The following WDR45B variants were observed in gnomAD, a reference collection of about 807,000 sequenced individuals.
WDR45B encodes WD repeat domain phosphoinositide-interacting protein 3.
WDR45B carries 20 observed loss-of-function variants against 44.6 expected under a neutral mutation model. That is an observed-to-expected ratio of 0.45 (90% CI 0.32 to 0.65). The LOEUF (loss-of-function observed/expected upper bound fraction) is 0.65. Ranked by LOEUF, WDR45B falls within the 30% of genes least tolerant of loss-of-function variation. WDR45B has a pLI of 0.05. For synonymous variants in WDR45B, 169 were observed against 164.9 expected (o/e 1.02, Z -0.19); for missense variants, 323 against 430.2 (o/e 0.75, Z 2.20).
intron 3 of WDR45B, among the ~76,000 whole-genome samples, chr17:82,628,135 G>A (rs115359633): frequency 0.021 from 3,203 of 152,260 alleles, 124 homozygotes; most frequent in African/African-American, 0.071. Context: ...TGGGACTACA[G>A]GCATGCACTA....
intron 2 of WDR45B, among the ~76,000 whole-genome samples, chr17:82,641,289 T>C (rs1174111600): frequency 1.3e-5 from 2 of 152,154 alleles, no homozygotes; most frequent in African/African-American, 4.8e-5. Flanking sequence ...TTATAAGAAA[T>C]GTTGAATTTA....
chr17:82,632,128 C>T (rs2045776237), intron 2 of WDR45B, among the ~76,000 whole-genome samples: 1 of 151,996 alleles, frequency 6.6e-6, no homozygotes, highest in South Asian at 2.1e-4. Context: ...AAAAACCCCA[C>T]AAAACTTTAA....
chr17:82,616,875 G>T lies in WDR45B; in HGVS notation c.807-230C>A, dbSNP rs553586177. On this transcript the variant is annotated intron_variant, in intron 8 of 9. Transcript: ENST00000392325. ...CTCTGTAGCCCAGGCTGGAGTGCAGGGGCGCAATCTCGGCTCACTGCAGCC... is the reference window on the plus strand; with the variant it reads ...CTCTGTAGCCCAGGCTGGAGTGCAGTGGCGCAATCTCGGCTCACTGCAGCC... Among the ~76,000 whole-genome samples, 98 of 151,958 alleles carry T rather than the reference G, an allele frequency of 6.4e-4. No individual in the cohort carries two copies. In the South Asian group the frequency reaches 0.017, roughly 26 times the overall value.
chr17:82,647,582 G>A (rs2045995528), intron 1 of WDR45B, among the ~76,000 whole-genome samples: 1 of 152,256 alleles, frequency 6.6e-6, no homozygotes, highest in Non-Finnish European at 1.5e-5. Flanking sequence ...GGGAAAAGAA[G>A]TAAGATTTCC....
Position 82,625,585 on chromosome 17 carries a change from A to G in WDR45B, c.333-102T>C. ...ACTGAAACTGAGAAACACTGAAAAT[A>G]CCACACAGAAAAGGAGTGTTCCTGA... On this transcript the variant is annotated intron_variant, in intron 4 of 9. Transcript: ENST00000392325. The G allele has an allele frequency of 2.6e-6, 3 of 1,147,292 alleles. No individual in the cohort carries two copies. The South Asian group carries it at 3.9e-5, about 15-fold the overall frequency. The allele number at this position is 1,147,292 out of a possible 1,614,324, so 71.1% of individuals were successfully genotyped here.
intron 2 of WDR45B, chr17:82,636,523 G>C (rs570266482): frequency 6.6e-6 from 1 of 151,930 alleles, no homozygotes; most frequent in African/African-American, 2.4e-5. Flanking sequence ...TCCTGCAGCT[G>C]AAGAGGGGGA....
chr17:82,645,098 C>A (rs1426798625), intron 1 of WDR45B, among the ~76,000 whole-genome samples: 1 of 152,102 alleles, frequency 6.6e-6, no homozygotes, highest in Non-Finnish European at 1.5e-5. Flanking sequence ...GAGTTCGAGA[C>A]CAGCCTGACC....
intron 2 of WDR45B, among the ~76,000 whole-genome samples, chr17:82,640,679 G>C (rs952407465): frequency 3.9e-5 from 6 of 152,168 alleles, no homozygotes; most frequent in African/African-American, 1.4e-4. Flanking sequence ...CAGAGCAGCA[G>C]ATGAGTCTGT....
In WDR45B at chr17:82,628,874, C is replaced by T. The variant is rs187210411; in HGVS notation, c.245-1583G>A. 8.7e-4 allele frequency among the ~76,000 whole-genome samples: 133 copies of T among 152,012 alleles called. 1 individual carries two copies. The East Asian group carries it at 0.013, about 15-fold the overall frequency. On this transcript the variant is annotated intron_variant, in intron 3 of 9. Transcript: ENST00000392325. Reference sequence around the variant, plus strand: ...AGGTAGCCGGGTGTGGTGGGTGCTCCGGTACTCCCAGCTACTCGGGAGGCT... The same window carrying T: ...AGGTAGCCGGGTGTGGTGGGTGCTCTGGTACTCCCAGCTACTCGGGAGGCT...
chr17:82,634,719 C>G (rs1391865402), intron 2 of WDR45B, among the ~76,000 whole-genome samples: 5 of 151,966 alleles, frequency 3.3e-5, no homozygotes, highest in Admixed American at 6.6e-5. Flanking sequence ...CAGCCTTAAA[C>G]AGAAACAATA....
At chr17:82,630,075 C>T (rs1403992915) in intron 3 of WDR45B, 3 of 764,832 alleles carry the variant, frequency 3.9e-6, no homozygotes, top group African/African-American at 1.9e-5. Context: ...GGCCTCCTCC[C>T]GCCTGGCACT....
intron 5 of WDR45B, among the ~76,000 whole-genome samples, chr17:82,624,910 G>A (rs896086672): frequency 2.6e-5 from 4 of 152,132 alleles, no homozygotes; most frequent in East Asian, 1.9e-4. Context: ...GAGCCACCGC[G>A]CCCGGCCACA....
chr17:82,624,659 C>T (rs1479591226), intron 5 of WDR45B, among the ~76,000 whole-genome samples: 2 of 150,078 alleles, frequency 1.3e-5, no homozygotes, highest in Middle Eastern at 3.5e-3. Flanking sequence ...TGCTCTATCG[C>T]CCAGGCTGGA....
At chr17:82,629,715 G>C (rs2045743692) in intron 3 of WDR45B, 1 of 974,544 alleles carries the variant, frequency 1.0e-6, no homozygotes. Context: ...CGTTCACGCA[G>C]TTCACGGGGC....
intron 4 of WDR45B, chr17:82,626,102 C>CGA (rs2045693662): frequency 6.4e-6 from 1 of 157,122 alleles, no homozygotes; most frequent in African/African-American, 2.4e-5. Context: ...AGGCTGGTCT[C>CGA]TAACTCCTGA....
chr17:82,643,512 C>T (rs1296913561), intron 2 of WDR45B, among the ~76,000 whole-genome samples: 2 of 151,988 alleles, frequency 1.3e-5, no homozygotes, highest in African/African-American at 4.8e-5. Context: ...TGGTAAAGGG[C>T]AGAACCAGGA....
Position 82,648,343 on chromosome 17 carries a change from C to CA in WDR45B, c.-4_-3insT. 1 of 1,605,436 alleles carries CA rather than the reference C, an allele frequency of 6.2e-7. No homozygotes were observed. Among genetic ancestry groups the CA allele is most frequent in the Non-Finnish European group, 8.5e-7 (1 of 1,177,504 alleles). ...GGGTTACACGGCAGGAGGTTCATGG[C>CA]GCCGCCGTGCTGGGTCGCCGCTCCT... is the stretch of plus-strand genomic sequence containing the variant. On this transcript the variant is annotated 5_prime_UTR_variant, in exon 1 of 10. Coordinates refer to ENST00000392325, the MANE Select transcript of WDR45B (RefSeq NM_019613.4).
intron 2 of WDR45B, among the ~76,000 whole-genome samples, chr17:82,636,354 G>A (rs1372311274): frequency 6.6e-6 from 1 of 150,940 alleles, no homozygotes; most frequent in Admixed American, 6.6e-5. Context: ...AGAAAAAAAA[G>A]AAAAACAGAT....
At chr17:82,621,052 T>C (rs1411465694) in intron 6 of WDR45B, among the ~76,000 whole-genome samples, 2 of 127,738 alleles carry the variant, frequency 1.6e-5, no homozygotes, top group Admixed American at 1.6e-4. Context: ...GTATTTTTGT[T>C]TCTTTTTTTT....
Sources: gnomAD v4.1 joint callset for allele counts (sites outside exome capture counted in the v4.1 genomes callset) on GRCh38, gnomAD v4.1.1 for gene constraint, MANE v1.5 for transcripts, NCBI Gene and HGNC (gene_info 2026-07-23, HGNC 2026-07-21) for gene names.